The following SGCZ variants were observed in gnomAD, a reference collection of about 807,000 sequenced individuals.
SGCZ encodes sarcoglycan zeta.
Under a neutral mutation model 41.3 loss-of-function variants are expected in SGCZ, and 40 were observed. The ratio of observed to expected loss-of-function variants is 0.97; its 90% CI spans 0.75 to 1.26. The LOEUF (loss-of-function observed/expected upper bound fraction) is 1.26, where lower values mean the gene tolerates loss of function less well. Ranked by LOEUF, SGCZ falls within the 50% of genes most tolerant of loss-of-function variation. SGCZ has a pLI of 0.00. For synonymous variants in SGCZ, 206 were observed against 137.5 expected, an observed-to-expected ratio of 1.50 and a Z score of -3.49; for missense variants, 552 against 369.8, an observed-to-expected ratio of 1.49 and a Z score of -4.04.
chr8:15,108,485 T>C (rs1346685933), intron 1 of SGCZ, among the ~76,000 whole-genome samples: 1 of 152,242 alleles, frequency 6.6e-6, no homozygotes, highest in African/African-American at 2.4e-5. Context: ...CTATGCTGCA[T>C]ATATTTATAT....
intron 3 of SGCZ, among the ~76,000 whole-genome samples, chr8:14,321,201 C>T (rs7017763): frequency 0.33 from 49,604 of 151,714 alleles, 8,955 homozygotes; most frequent in South Asian, 0.51. Context: ...AGTAATCTTC[C>T]CTGAGAATAA....
At chr8:14,350,713 A>G (rs191986456) in intron 2 of SGCZ, among the ~76,000 whole-genome samples, 49 of 152,060 alleles carry the variant, frequency 3.2e-4, no homozygotes, top group Non-Finnish European at 5.2e-4. Context: ...CCTCTGTCCA[A>G]TGCTCCTTCT....
At chr8:14,928,685 C>T (rs566870560) in intron 1 of SGCZ, among the ~76,000 whole-genome samples, 3 of 152,110 alleles carry the variant, frequency 2.0e-5, no homozygotes, top group Admixed American at 1.3e-4. Context: ...TTGTTAAGAA[C>T]ATAATTGTTA....
intron 2 of SGCZ, among the ~76,000 whole-genome samples, chr8:14,462,002 C>A (rs888957436): frequency 2.0e-5 from 3 of 151,980 alleles, no homozygotes; most frequent in East Asian, 1.9e-4. Context: ...CAAAAATTTA[C>A]CTCATTCAAT....
At chr8:14,258,816 A>G (rs1437598664) in intron 3 of SGCZ, among the ~76,000 whole-genome samples, 1 of 152,222 alleles carries the variant, frequency 6.6e-6, no homozygotes, top group African/African-American at 2.4e-5. Context: ...CACAATAGAA[A>G]TAAATGAGAA....
intron 1 of SGCZ, among the ~76,000 whole-genome samples, chr8:15,188,042 T>A (rs1800402887): frequency 6.6e-6 from 1 of 152,022 alleles, no homozygotes; most frequent in Non-Finnish European, 1.5e-5. Context: ...ATTCTTTTTA[T>A]GGACACATAT....
chr8:15,208,232 G>C (rs575423914), intron 1 of SGCZ, among the ~76,000 whole-genome samples: 1 of 152,152 alleles, frequency 6.6e-6, no homozygotes, highest in Non-Finnish European at 1.5e-5. Context: ...GATGATGAAA[G>C]CATTCATCAG....
intron 3 of SGCZ, among the ~76,000 whole-genome samples, chr8:14,316,972 ATTC>A (rs1406148937): frequency 1.3e-5 from 2 of 151,818 alleles, no homozygotes; most frequent in African/African-American, 4.8e-5. Flanking sequence ...TACATTCCCA[ATTC>A]TTCTTTGCAG....
chr8:14,567,003 G>A (rs1340197443), intron 1 of SGCZ, among the ~76,000 whole-genome samples: 1 of 152,188 alleles, frequency 6.6e-6, no homozygotes, highest in Non-Finnish European at 1.5e-5. Context: ...TGCGGAGGGT[G>A]CACCAGGTCC....
chr8:14,395,249 T>A, intron 2 of SGCZ, among the ~76,000 whole-genome samples: 1 of 152,194 alleles, frequency 6.6e-6, no homozygotes, highest in East Asian at 1.9e-4. Flanking sequence ...ACATAGCCTT[T>A]GCCCTTGAAA....
intron 1 of SGCZ, among the ~76,000 whole-genome samples, chr8:14,968,190 T>C (rs1333371576): frequency 6.6e-6 from 1 of 152,154 alleles, no homozygotes; most frequent in Non-Finnish European, 1.5e-5. Flanking sequence ...GGCTCTTTCA[T>C]TTGATTTATT....
chr8:14,820,902 T>C (rs1270554573), intron 1 of SGCZ, among the ~76,000 whole-genome samples: 1 of 132,342 alleles, frequency 7.6e-6, no homozygotes, highest in African/African-American at 3.0e-5. Context: ...ATAAAAAACA[T>C]AAAAACACCC....
intron 2 of SGCZ, among the ~76,000 whole-genome samples, chr8:14,434,758 T>C (rs1168702411): frequency 1.3e-5 from 2 of 152,158 alleles, no homozygotes; most frequent in African/African-American, 4.8e-5. Context: ...GAGTTCTTGA[T>C]TCTCAGCTTG....
chr8:15,033,435 C>A (rs936149745), intron 1 of SGCZ, among the ~76,000 whole-genome samples: 1 of 151,476 alleles, frequency 6.6e-6, no homozygotes, highest in Admixed American at 6.6e-5. Context: ...ATTCCAGAAC[C>A]AGTCTGGCCC....
chr8:14,404,492 A>G (rs781355594), intron 2 of SGCZ, among the ~76,000 whole-genome samples: 3 of 152,230 alleles, frequency 2.0e-5, no homozygotes, highest in Non-Finnish European at 4.4e-5. Context: ...CTAAATGATT[A>G]AAATGACATT....
intron 1 of SGCZ, among the ~76,000 whole-genome samples, chr8:14,650,832 G>A (rs1807374294): frequency 6.6e-6 from 1 of 151,792 alleles, no homozygotes; most frequent in African/African-American, 2.4e-5. Context: ...ATGTTTATGT[G>A]GTAAAATAGA....
At chr8:14,816,296 C>G (rs1360944742) in intron 1 of SGCZ, among the ~76,000 whole-genome samples, 1 of 152,188 alleles carries the variant, frequency 6.6e-6, no homozygotes, top group Non-Finnish European at 1.5e-5. Flanking sequence ...GTTCTATGCT[C>G]TGATGAGGCT....
At chr8:14,529,798 A>T (rs1306064667) in intron 2 of SGCZ, among the ~76,000 whole-genome samples, 1 of 151,948 alleles carries the variant, frequency 6.6e-6, no homozygotes. Flanking sequence ...TTTTGACTTA[A>T]CTCCTTAAGC....
chr8:14,768,836 C>A (rs963629673), intron 1 of SGCZ, among the ~76,000 whole-genome samples: 13 of 151,918 alleles, frequency 8.6e-5, no homozygotes, highest in African/African-American at 2.9e-4. Context: ...TCATGGTACC[C>A]AGTAAGTCAG....
Sources: gnomAD v4.1 joint callset for allele counts (sites outside exome capture counted in the v4.1 genomes callset) on GRCh38, gnomAD v4.1.1 for gene constraint, MANE v1.5 for transcripts, NCBI Gene and HGNC (gene_info 2026-07-23, HGNC 2026-07-21) for gene names.